Variants in LRMDA observed in about 807,000 individuals in gnomAD.
LRMDA encodes leucine rich melanocyte differentiation associated.
Under a neutral mutation model 29.8 loss-of-function variants are expected in LRMDA, and 18 were observed. That is an observed-to-expected ratio of 0.60 (90% CI 0.42 to 0.90). LRMDA has a LOEUF of 0.90. LRMDA is among the 40% of genes least tolerant of loss of function. LRMDA has a pLI of 0.00. For missense variants in LRMDA, 273 were observed against 273.9 expected (o/e 1.00, Z 0.02); for synonymous variants, 125 against 109.4 (o/e 1.14, Z -0.89).
chr10:76,221,275 C>A (rs1454498354), intron 5 of LRMDA, among the ~76,000 whole-genome samples: 45 of 152,098 alleles, frequency 3.0e-4, no homozygotes, highest in Admixed American at 1.4e-3. Context: ...TGGCCAGGGC[C>A]ATTAGGCAGG....
intron 2 of LRMDA, among the ~76,000 whole-genome samples, chr10:75,511,275 C>T (rs182249727): frequency 2.2e-4 from 33 of 152,202 alleles, no homozygotes; most frequent in Admixed American, 5.2e-4. Context: ...GTCAAGGGTG[C>T]GGTGAGCTGT....
chr10:76,288,880 G>A (rs142308976), intron 5 of LRMDA, among the ~76,000 whole-genome samples: 20 of 152,246 alleles, frequency 1.3e-4, no homozygotes, highest in African/African-American at 4.3e-4. Context: ...CCAGCCCCTT[G>A]CAAATCAAAT....
At chr10:76,102,250 G>GT (rs1849406019) in intron 5 of LRMDA, among the ~76,000 whole-genome samples, 1 of 151,982 alleles carries the variant, frequency 6.6e-6, no homozygotes, top group African/African-American at 2.4e-5. Context: ...TATTGCATCT[G>GT]TTTTTTTAAC....
intron 5 of LRMDA, among the ~76,000 whole-genome samples, chr10:76,184,327 G>A (rs116212173): frequency 0.013 from 1,899 of 151,916 alleles, 38 homozygotes; most frequent in African/African-American, 0.043. Flanking sequence ...CAATGTACCC[G>A]GACCCGGCCC....
chr10:75,435,375 C>T (rs571981948), intron 1 of LRMDA, among the ~76,000 whole-genome samples: 1 of 152,326 alleles, frequency 6.6e-6, no homozygotes, highest in South Asian at 2.1e-4. Context: ...AGAAGCACTT[C>T]TTAAGTCTTT....
intron 5 of LRMDA, among the ~76,000 whole-genome samples, chr10:76,147,166 G>T (rs1327125886): frequency 6.6e-6 from 1 of 152,126 alleles, no homozygotes; most frequent in East Asian, 1.9e-4. Flanking sequence ...ATGTGTCTTG[G>T]AGTTGCTCCT....
intron 2 of LRMDA, among the ~76,000 whole-genome samples, chr10:75,501,020 C>G (rs1265851486): frequency 6.6e-6 from 1 of 152,226 alleles, no homozygotes; most frequent in African/African-American, 2.4e-5. Flanking sequence ...GTCTCTGCTT[C>G]AAGACACAGA....
intron 6 of LRMDA, among the ~76,000 whole-genome samples, chr10:76,505,051 C>G (rs1842945493): frequency 6.6e-6 from 1 of 150,558 alleles, no homozygotes; most frequent in South Asian, 2.1e-4. Flanking sequence ...TTCTCTTTTG[C>G]TTTTGAAGCT....
chr10:75,875,642 G>C (rs1446286017), intron 2 of LRMDA, among the ~76,000 whole-genome samples: 3 of 152,204 alleles, frequency 2.0e-5, no homozygotes, highest in Admixed American at 6.5e-5. Context: ...ATGTTGGTCA[G>C]GCTGGTCTCG....
At chr10:75,563,789 G>T (rs1238612515) in intron 2 of LRMDA, among the ~76,000 whole-genome samples, 1 of 152,144 alleles carries the variant, frequency 6.6e-6, no homozygotes, top group Non-Finnish European at 1.5e-5. Context: ...GTTTGCTAGA[G>T]ATCCACTCCA....
chr10:75,941,692 T>C (rs1846394846), intron 2 of LRMDA, among the ~76,000 whole-genome samples: 1 of 152,166 alleles, frequency 6.6e-6, no homozygotes, highest in Non-Finnish European at 1.5e-5. Context: ...TCCTGTGATC[T>C]GGTAGCTTCA....
chr10:76,284,037 G>T (rs978250446), intron 5 of LRMDA, among the ~76,000 whole-genome samples: 9 of 152,110 alleles, frequency 5.9e-5, no homozygotes, highest in African/African-American at 2.2e-4. Flanking sequence ...CTGCATCCTG[G>T]TCACATCTTC....
intron 6 of LRMDA, among the ~76,000 whole-genome samples, chr10:76,427,070 T>C (rs1207860502): frequency 1.3e-5 from 2 of 152,234 alleles, no homozygotes; most frequent in African/African-American, 4.8e-5. Flanking sequence ...TGGCTTAGGA[T>C]TGACTTGGCG....
intron 6 of LRMDA, among the ~76,000 whole-genome samples, chr10:76,358,932 G>A (rs16933437): frequency 0.074 from 11,217 of 152,132 alleles, 790 homozygotes; most frequent in African/African-American, 0.19. Flanking sequence ...GATGTTTGGC[G>A]TCCCGCTGGA....
At chr10:75,653,585 C>T (rs577231218) in intron 2 of LRMDA, among the ~76,000 whole-genome samples, 1 of 152,336 alleles carries the variant, frequency 6.6e-6, no homozygotes, top group African/African-American at 2.4e-5. Context: ...ATATAATTTT[C>T]TGGACAGTCT....
At chr10:75,729,603 A>T (rs1419981672) in intron 2 of LRMDA, among the ~76,000 whole-genome samples, 1 of 152,184 alleles carries the variant, frequency 6.6e-6, no homozygotes, top group African/African-American at 2.4e-5. Context: ...ATGAAAGGGT[A>T]TGAAAGTGTG....
At chr10:76,176,630 C>T (rs980097094) in intron 5 of LRMDA, among the ~76,000 whole-genome samples, 1 of 152,112 alleles carries the variant, frequency 6.6e-6, no homozygotes, top group African/African-American at 2.4e-5. Context: ...CCCGTCTCTA[C>T]TAAAAATACA....
chr10:76,195,525 G>T (rs12098513), intron 5 of LRMDA, among the ~76,000 whole-genome samples: 1 of 152,142 alleles, frequency 6.6e-6, no homozygotes, highest in Admixed American at 6.5e-5. Flanking sequence ...GCCTGGCCTT[G>T]TATTTATGGA....
At chr10:75,620,291 A>G (rs1841165279) in intron 2 of LRMDA, among the ~76,000 whole-genome samples, 1 of 152,252 alleles carries the variant, frequency 6.6e-6, no homozygotes, top group South Asian at 2.1e-4. Context: ...CAATTCAGGC[A>G]TGTATGCAAA....
Sources: allele counts gnomAD v4.1 joint callset (sites outside exome capture counted in the v4.1 genomes callset), GRCh38; gene constraint gnomAD v4.1.1; transcripts MANE v1.5; gene names NCBI Gene and HGNC (gene_info 2026-07-23, HGNC 2026-07-21).